TMCO1: variants seen among roughly 807,000 people sequenced by gnomAD.
TMCO1 encodes the protein calcium load-activated calcium channel.
Under a neutral mutation model 29.3 loss-of-function variants are expected in TMCO1, and 29 were observed. That is an observed-to-expected ratio of 0.99 (90% CI 0.74 to 1.35). The LOEUF (loss-of-function observed/expected upper bound fraction) is 1.35. Ranked by LOEUF, TMCO1 falls within the 40% of genes most tolerant of loss-of-function variation. TMCO1 has a pLI of 0.00. For synonymous variants in TMCO1, 80 were observed against 77.1 expected (o/e 1.04, Z -0.20); for missense variants, 173 against 225.5 (o/e 0.77, Z 1.49).
Position 165,727,158 on chromosome 1 carries a change from C to T in TMCO1, c.*865G>A, listed in dbSNP as rs1320738568. 2.2e-6 allele frequency: 1 copy of T among 454,076 alleles called. No individual in the cohort carries two copies. Among genetic ancestry groups the T allele is most frequent in the Non-Finnish European group, 4.4e-6 (1 of 226,776 alleles). 28.1% of individuals were successfully genotyped at this position (454,076 alleles called of 1,614,324 possible). ...AGGCTATTGTGACTAAAAGGAAGCTCTGCGAGATTAACAACATATAACTAT... is the reference window on the plus strand; with the variant it reads ...AGGCTATTGTGACTAAAAGGAAGCTTTGCGAGATTAACAACATATAACTAT... On this transcript the variant is annotated 3_prime_UTR_variant, in exon 7 of 7. Coordinates refer to ENST00000367881, the MANE Select transcript of TMCO1 (RefSeq NM_019026.6).
rs1652110987 is a variant in TMCO1 at position 165,754,288 on chromosome 1, A to G, written c.209-14T>C. 1 of 1,603,384 alleles carries G rather than the reference A, an allele frequency of 6.2e-7. No homozygotes were observed. Among genetic ancestry groups the G allele is most frequent in the East Asian group, 2.2e-5 (1 of 44,722 alleles). On this transcript the variant is annotated splice_polypyrimidine_tract_variant and intron_variant, in intron 3 of 6. Coordinates refer to ENST00000367881, the MANE Select transcript of TMCO1 (RefSeq NM_019026.6). ...CTTCTTGTCTCTCTGCAAAGAATTA[A>G]TGAGATGGTTAATACATACAATGCT...
At chr1:165,754,837 T>C (rs1652135327) in intron 3 of TMCO1, 1 of 153,420 alleles carries the variant, frequency 6.5e-6, no homozygotes, top group Non-Finnish European at 1.4e-5. Flanking sequence ...CTGCAAAAAA[T>C]TTACAAATTA....
chr1:165,768,319 C>A (rs1652651072), intron 1 of TMCO1, 50 bp from the exon 2 acceptor site: 3 of 1,573,910 alleles, frequency 1.9e-6, no homozygotes, highest in Non-Finnish European at 1.7e-6. Context: ...GGAATGATCA[C>A]AACAAACAAA....
At chr1:165,745,471 T>C (rs1458616967) in intron 5 of TMCO1, among the ~76,000 whole-genome samples, 89 of 63,280 alleles carry the variant, frequency 1.4e-3, no homozygotes, top group Admixed American at 1.2e-3. Flanking sequence ...ACCCTATCTC[T>C]ACCAAAAAAA....
At chr1:165,750,622 G>T (rs1457151128) in intron 5 of TMCO1, among the ~76,000 whole-genome samples, 2 of 150,232 alleles carry the variant, frequency 1.3e-5, no homozygotes, top group African/African-American at 4.9e-5. Flanking sequence ...GTAAGTTACA[G>T]AAATTAATAC....
At chr1:165,747,813 G>A (rs993187846) in intron 5 of TMCO1, among the ~76,000 whole-genome samples, 4 of 152,120 alleles carry the variant, frequency 2.6e-5, no homozygotes, top group African/African-American at 7.2e-5. Flanking sequence ...AGAGTCTCAC[G>A]TCCTCATCTG....
intron 6 of TMCO1, among the ~76,000 whole-genome samples, chr1:165,738,367 C>T (rs1226416025): frequency 1.3e-5 from 2 of 152,192 alleles, no homozygotes; most frequent in African/African-American, 4.8e-5. Context: ...ATGGGAAAAT[C>T]ACGGTACAGT....
intron 6 of TMCO1, 124 bp downstream of exon 6, chr1:165,743,042 TA>T: frequency 8.3e-7 from 1 of 1,200,718 alleles, no homozygotes; most frequent in Non-Finnish European, 1.2e-6. Flanking sequence ...ACTGAAATTC[TA>T]AAATGAGCAA....
At chr1:165,735,995 G>T (rs1184308049) in intron 6 of TMCO1, among the ~76,000 whole-genome samples, 1 of 152,206 alleles carries the variant, frequency 6.6e-6, no homozygotes, top group African/African-American at 2.4e-5. Context: ...CTACCAAGGT[G>T]TTAGAAGGTG....
At chr1:165,766,554 T>C (rs1652575940) in intron 2 of TMCO1, among the ~76,000 whole-genome samples, 1 of 152,110 alleles carries the variant, frequency 6.6e-6, no homozygotes, top group Admixed American at 6.6e-5. Flanking sequence ...TTGGGAGGCC[T>C]AGCCGGGAGG....
rs139864444 is a variant in TMCO1, at chr1:165,740,505, C to G, written c.468+2662G>C. Among the ~76,000 whole-genome samples, 524 of 152,186 alleles carry G rather than the reference C, an allele frequency of 3.4e-3. 5 individuals are homozygous for G. The highest frequency in any genetic ancestry group is 0.012 in the African/African-American group (495 of 41,538). On this transcript the variant is annotated intron_variant, in intron 6 of 6. Coordinates refer to ENST00000367881, the MANE Select transcript of TMCO1 (RefSeq NM_019026.6). ...CAGGCGTGAGCCACCGCGCCTGGCC[C>G]ATCATATTGTGTTTTATTAAGATGT... is the stretch of plus-strand genomic sequence containing the variant.
chr1:165,747,965 C>T (rs1651860396), intron 5 of TMCO1, among the ~76,000 whole-genome samples: 1 of 152,100 alleles, frequency 6.6e-6, no homozygotes, highest in South Asian at 2.1e-4. Context: ...TCAAGACCAG[C>T]CTTGCCAACA....
At position 165,728,039 on chromosome 1, in the gene TMCO1, G is replaced by A. The variant is rs1459734421; in HGVS notation, c.551C>T (p.Ser184Phe). ...AGGFLGPPPPSGKFS is the reference protein window; with the variant it reads ...AGGFLGPPPPFGKFS ...TTCTTGAGTTCAAGAGAACTTCCCA[G>A]AAGGAGGTGGTGGGCCAAGAAATCC... Residue 184 changes from serine to phenylalanine, a missense_variant, in exon 7 of 7, where the codon TCT (serine) becomes TTT (phenylalanine). Physicochemically the swap from Ser to Phe is radical, Grantham distance 155. Coordinates refer to ENST00000367881, the MANE Select transcript of TMCO1 (RefSeq NM_019026.6). 1 of 1,607,892 alleles carries A rather than the reference G, an allele frequency of 6.2e-7. No homozygotes were observed. The highest frequency in any genetic ancestry group is 8.5e-7 in the Non-Finnish European group (1 of 1,175,914).
chr1:165,725,792 G>A (rs1362071899), downstream of TMCO1: 12 of 458,802 alleles, frequency 2.6e-5, no homozygotes, highest in South Asian at 4.7e-5. Flanking sequence ...TCTTGTGATA[G>A]TTTTATTTCC....
chr1:165,732,477 T>C lies in TMCO1; in HGVS notation c.469-4356A>G, dbSNP rs923385353. Among the ~76,000 whole-genome samples, 432 of 144,074 alleles carry C rather than the reference T, an allele frequency of 3.0e-3. 3 individuals are homozygous for C. The highest frequency in any genetic ancestry group is 0.011 in the African/African-American group (407 of 38,450). The allele number at this position is 144,074 out of a possible 152,430, so 94.5% of individuals were successfully genotyped here. ...TTATGCTGTTAAATGAGCAAATGGT[T>C]TCTCTCTCTCTCTCTCTCTCTCTCT... On this transcript the variant is annotated intron_variant, in intron 6 of 6. Coordinates refer to ENST00000367881, the MANE Select transcript of TMCO1 (RefSeq NM_019026.6).
At chr1:165,749,831 T>C (rs1354929130) in intron 5 of TMCO1, among the ~76,000 whole-genome samples, 1 of 150,890 alleles carries the variant, frequency 6.6e-6, no homozygotes, top group Admixed American at 6.6e-5. Flanking sequence ...CTCTTGTAAA[T>C]AAAAACATAA....
At chr1:165,764,588 C>G (rs1212752326) in intron 2 of TMCO1, among the ~76,000 whole-genome samples, 1 of 151,898 alleles carries the variant, frequency 6.6e-6, no homozygotes, top group East Asian at 1.9e-4. Flanking sequence ...ATACAAAGTG[C>G]CTGTAGTAGG....
intron 2 of TMCO1, among the ~76,000 whole-genome samples, chr1:165,767,452 C>T (rs55767704): frequency 0.013 from 2,023 of 152,242 alleles, 53 homozygotes; most frequent in African/African-American, 0.047. Flanking sequence ...AACTGAAACT[C>T]GGCTTATCTC....
At chr1:165,754,314 G>A (rs1652112260) in intron 3 of TMCO1, 40 bp from the exon 4 acceptor site, 6 of 1,516,156 alleles carry the variant, frequency 4.0e-6, no homozygotes, top group East Asian at 2.3e-5. Context: ...ATACAATGCT[G>A]AGCACAAAGC....
Sources: gnomAD v4.1 joint callset for allele counts (sites outside exome capture counted in the v4.1 genomes callset) on GRCh38, gnomAD v4.1.1 for gene constraint, MANE v1.5 for transcripts, NCBI Gene and HGNC (gene_info 2026-07-23, HGNC 2026-07-21) for gene names.